Variants in CRADD observed in about 807,000 individuals in gnomAD.
CRADD encodes the protein CARD and death domain containing adaptor protein, also known as death domain-containing protein CRADD.
In CRADD, 9 loss-of-function variants were observed where a neutral mutation model predicts 15.5. The ratio of observed to expected loss-of-function variants is 0.58; its 90% CI spans 0.35 to 1.01. CRADD has a LOEUF of 1.01. Ranked by LOEUF, CRADD falls within the 50% of genes least tolerant of loss-of-function variation. The probability of loss-of-function intolerance (pLI) is 0.02; values close to 1 mark genes in which losing one functional copy is unlikely to be tolerated. For synonymous variants in CRADD, 118 were observed against 107.6 expected (o/e 1.10, Z -0.60); for missense variants, 227 against 250.3 (o/e 0.91, Z 0.63).
intron 2 of CRADD, among the ~76,000 whole-genome samples, chr12:93,885,991 A>G (rs766930406): frequency 8.5e-5 from 13 of 152,056 alleles, no homozygotes; most frequent in Non-Finnish European, 1.9e-4. Flanking sequence ...GTGAGCCGAG[A>G]TCATGCCATT....
intron 2 of CRADD, among the ~76,000 whole-genome samples, chr12:93,787,858 A>G (rs1161146583): frequency 1.3e-5 from 2 of 152,176 alleles, no homozygotes; most frequent in Non-Finnish European, 1.5e-5. Flanking sequence ...TACCATGGTG[A>G]GGATGGTGAG....
At chr12:93,748,199 T>G (rs1247384300) in intron 2 of CRADD, among the ~76,000 whole-genome samples, 1 of 152,206 alleles carries the variant, frequency 6.6e-6, no homozygotes, top group Admixed American at 6.5e-5. Flanking sequence ...TTGTCCCCTC[T>G]CGCACCTTCC....
At chr12:93,877,935 C>T (rs1338662789) in intron 2 of CRADD, among the ~76,000 whole-genome samples, 1 of 152,136 alleles carries the variant, frequency 6.6e-6, no homozygotes, top group African/African-American at 2.4e-5. Context: ...TGTCCCACAG[C>T]CACCACAACT....
chr12:93,798,546 A>G (rs939348095), intron 2 of CRADD, among the ~76,000 whole-genome samples: 50 of 152,140 alleles, frequency 3.3e-4, no homozygotes, highest in African/African-American at 1.1e-3. Flanking sequence ...AGAGAGGTCA[A>G]GTGACTTACT....
chr12:93,757,185 A>C (rs1956900476), intron 2 of CRADD, among the ~76,000 whole-genome samples: 5 of 152,228 alleles, frequency 3.3e-5, no homozygotes, highest in Admixed American at 6.5e-5. Flanking sequence ...TTTGGGAAAC[A>C]TTGTGCTGTT....
chr12:93,738,088 A>G (rs982259984), intron 2 of CRADD: 3 of 503,348 alleles, frequency 6.0e-6, no homozygotes, highest in Non-Finnish European at 1.0e-5. Context: ...GTAAGTGTTG[A>G]ATTGAGCTAG....
chr12:93,826,510 T>C (rs1368397599), intron 2 of CRADD, among the ~76,000 whole-genome samples: 2 of 152,250 alleles, frequency 1.3e-5, no homozygotes, highest in Non-Finnish European at 2.9e-5. Context: ...ACTTTTTACA[T>C]TTTCAAAGCT....
intron 2 of CRADD, among the ~76,000 whole-genome samples, chr12:93,789,965 G>C (rs187209700): frequency 2.6e-5 from 4 of 152,234 alleles, no homozygotes; most frequent in Admixed American, 2.6e-4. Context: ...TGTGAAAGTA[G>C]CCTGAACTCT....
At chr12:93,846,397 A>G (rs1401837421) in intron 2 of CRADD, 1 of 152,138 alleles carries the variant, frequency 6.6e-6, no homozygotes, top group East Asian at 1.9e-4. Flanking sequence ...ATTCCCACCA[A>G]TAGTGCACAA....
intron 2 of CRADD, among the ~76,000 whole-genome samples, chr12:93,711,972 T>C (rs1351197168): frequency 6.6e-6 from 1 of 152,096 alleles, no homozygotes; most frequent in Non-Finnish European, 1.5e-5. Flanking sequence ...GCCAAGCTGC[T>C]CTTGAACTCC....
At chr12:93,852,463 A>G (rs1958234589), downstream of CRADD, among the ~76,000 whole-genome samples, 1 of 152,254 alleles carries the variant, frequency 6.6e-6, no homozygotes. Flanking sequence ...GGGGGCCCTT[A>G]GAGACCTCTG....
rs374931818 is a variant in CRADD at position 93,812,500 on chromosome 12, C to A, written c.299-37470C>A. Among the ~76,000 whole-genome samples the A allele has an allele frequency of 1.5e-3, 218 of 150,334 alleles. 3 individuals carry two copies. The South Asian group carries it at 0.032, about 22-fold the overall frequency. On this transcript the variant is annotated intron_variant, in intron 2 of 2. Coordinates refer to ENST00000332896, the MANE Select transcript of CRADD (RefSeq NM_003805.5). The stretch of plus-strand genomic sequence containing the variant: ...GACCAGCCTGGCCAACTTGGCAAAA[C>A]CCCATCTCTACTAAAAAAATACAAA...
At chr12:93,809,206 G>A (rs533045848) in intron 2 of CRADD, among the ~76,000 whole-genome samples, 1 of 152,288 alleles carries the variant, frequency 6.6e-6, no homozygotes, top group Non-Finnish European at 1.5e-5. Flanking sequence ...GAGCCACTGT[G>A]CCCAGCCTGA....
chr12:93,713,271 ACT>A (rs1369202850), intron 2 of CRADD, among the ~76,000 whole-genome samples: 2 of 151,814 alleles, frequency 1.3e-5, no homozygotes, highest in Non-Finnish European at 2.9e-5. Context: ...GTCTGTAGTG[ACT>A]CTGCAGAAAA....
chr12:93,703,284 G>A (rs958070856), intron 2 of CRADD, among the ~76,000 whole-genome samples: 2 of 151,806 alleles, frequency 1.3e-5, no homozygotes, highest in African/African-American at 4.8e-5. Context: ...CCACAAATCA[G>A]TTGATGAAGT....
intron 2 of CRADD, among the ~76,000 whole-genome samples, chr12:93,891,483 T>G (rs1350729400): frequency 6.6e-6 from 1 of 152,252 alleles, no homozygotes; most frequent in East Asian, 1.9e-4. Context: ...CGACACTCCG[T>G]GTCAAAAAAA....
chr12:93,699,946 A>C (rs1955802509), intron 2 of CRADD, among the ~76,000 whole-genome samples: 1 of 152,196 alleles, frequency 6.6e-6, no homozygotes, highest in African/African-American at 2.4e-5. Context: ...AAGTGAATGG[A>C]ATTTCAGCAG....
intron 2 of CRADD, among the ~76,000 whole-genome samples, chr12:93,865,216 T>C (rs1230145122): frequency 6.6e-6 from 1 of 152,142 alleles, no homozygotes; most frequent in Non-Finnish European, 1.5e-5. Flanking sequence ...CCTAGGGTGA[T>C]GCCCCATGTA....
chr12:93,808,437 G>A (rs888742133), intron 2 of CRADD, among the ~76,000 whole-genome samples: 33 of 151,998 alleles, frequency 2.2e-4, no homozygotes, highest in Non-Finnish European at 4.3e-4. Flanking sequence ...GGGGGAAACC[G>A]CCCCCATGAT....
Sources: gnomAD v4.1 joint callset for allele counts (sites outside exome capture counted in the v4.1 genomes callset) on GRCh38, gnomAD v4.1.1 for gene constraint, MANE v1.5 for transcripts, NCBI Gene and HGNC (gene_info 2026-07-23, HGNC 2026-07-21) for gene names.